SYBU: variants seen among roughly 807,000 people sequenced by gnomAD.
The protein encoded by SYBU is syntabulin, also known as GOLSYN A protein.
In SYBU, 21 loss-of-function variants were observed where a neutral mutation model predicts 35.9. That is an observed-to-expected ratio of 0.58 (90% CI 0.41 to 0.84). The LOEUF is 0.84. SYBU is among the 40% of genes least tolerant of loss of function. SYBU has a pLI of 0.00. For synonymous variants in SYBU, 319 were observed against 324.3 expected (o/e 0.98, Z 0.18); for missense variants, 768 against 848.2 (o/e 0.91, Z 1.17).
At chr8:109,633,187 TCATAAACACTC>T (rs1415918333) in intron 2 of SYBU, among the ~76,000 whole-genome samples, 1 of 152,196 alleles carries the variant, frequency 6.6e-6, no homozygotes, top group Non-Finnish European at 1.5e-5. Flanking sequence ...AATATAATCC[TCATAAACACTC>T]CAGAATCAAT....
intron 1 of SYBU, chr8:109,644,328 C>T: frequency 1.7e-6 from 1 of 584,510 alleles, no homozygotes; most frequent in Non-Finnish European, 3.2e-6. Context: ...GCATCAAATT[C>T]CTTTCATTCA....
rs1409130559 is a variant in SYBU, at chr8:109,586,048, G to C, written c.530+12C>G. The C allele has an allele frequency of 1.9e-6, 3 of 1,597,468 alleles. No individual in the cohort carries two copies. The highest frequency in any genetic ancestry group is 1.7e-6 in the Non-Finnish European group (2 of 1,170,106). On this transcript the variant is annotated intron_variant, in intron 4 of 6. Transcript: ENST00000276646. ...AAAGCGTCTTAATTACAGAGCAGGA[G>C]ATGGTGCCTACTTGCGTGAAGAAGA...
At chr8:109,683,809 T>G (rs1817458825), upstream of SYBU, among the ~76,000 whole-genome samples, 1 of 152,160 alleles carries the variant, frequency 6.6e-6, no homozygotes, top group South Asian at 2.1e-4. Flanking sequence ...ATGGGAGCAG[T>G]TACCTCCATA....
Position 109,574,593 on chromosome 8 carries a change from G to T in SYBU, c.*313C>A. ...ATAACATGCCAGCCTTAGAGAAGCT[G>T]TCTTGAAAGTGCAAACTGCGTTTTC... is the stretch of plus-strand genomic sequence containing the variant. On this transcript the variant is annotated 3_prime_UTR_variant, in exon 7 of 7. Coordinates refer to ENST00000276646, the MANE Select transcript of SYBU (RefSeq NM_001099754.2). The T allele has an allele frequency of 3.7e-6, 1 of 267,714 alleles. No individual in the cohort carries two copies. The highest frequency in any genetic ancestry group is 7.0e-6 in the Non-Finnish European group (1 of 142,724). The allele number at this position is 267,714 out of a possible 1,614,324, so 16.6% of individuals were successfully genotyped here.
chr8:109,578,906 G>A (rs573208097), intron 5 of SYBU, among the ~76,000 whole-genome samples: 4 of 152,308 alleles, frequency 2.6e-5, no homozygotes, highest in Admixed American at 6.5e-5. Context: ...TTCTTCTGAA[G>A]GGAAGAAGTT....
Position 109,583,092 on chromosome 8 carries a change from C to CCAG in SYBU, c.530+2965_530+2967dup, listed in dbSNP as rs1437369255. 5.9e-5 allele frequency among the ~76,000 whole-genome samples: 9 copies of CCAG among 152,118 alleles called. No individual in the cohort carries two copies. The South Asian group carries it at 8.3e-4, about 14-fold the overall frequency. On this transcript the variant is annotated intron_variant, in intron 4 of 6. Coordinates refer to ENST00000276646, the MANE Select transcript of SYBU (RefSeq NM_001099754.2). ...ACCATGATTACCATCATAACCACCA[C>CCAG]CAGCAGCAGCAGCAGCAACAGCAAC...
intron 2 of SYBU, among the ~76,000 whole-genome samples, chr8:109,620,207 G>T (rs2154656): frequency 0.049 from 7,402 of 152,124 alleles, 260 homozygotes; most frequent in African/African-American, 0.094. Flanking sequence ...ATCAGTTAGT[G>T]GTAAATTTAC....
chr8:109,616,724 C>T (rs1811838624), intron 3 of SYBU, among the ~76,000 whole-genome samples: 1 of 149,286 alleles, frequency 6.7e-6, no homozygotes, highest in African/African-American at 2.5e-5. Context: ...ATCTATGAAG[C>T]TGACATTCTT....
At chr8:109,614,592 A>G (rs1034497313) in intron 3 of SYBU, among the ~76,000 whole-genome samples, 1 of 152,262 alleles carries the variant, frequency 6.6e-6, no homozygotes. Flanking sequence ...CGCTCCTCCC[A>G]CACAAAACAT....
At chr8:109,585,668 G>T (rs1161915182) in intron 4 of SYBU, 4 of 165,964 alleles carry the variant, frequency 2.4e-5, no homozygotes, top group Non-Finnish European at 5.2e-5. Flanking sequence ...CCAGCTAGAA[G>T]AAAAAAAGGG....
Position 109,577,986 on chromosome 8 carries a change from T to A in SYBU, c.766A>T (p.Asn256Tyr). The A allele has an allele frequency of 6.2e-7, 1 of 1,613,668 alleles. No individual in the cohort carries two copies. Among genetic ancestry groups the A allele is most frequent in the Non-Finnish European group, 8.5e-7 (1 of 1,179,830 alleles). ...GGGTTTGGGGGTCTGACACCATGAT[T>A]TTCACCGCAAGACATGTACCTTCCA... ...RSGRYMSCGE[N>Y]HGVRPPNPEQ... Residue 256 changes from asparagine (N) to tyrosine (Y), a missense_variant, in exon 6 of 7, where the codon AAT becomes TAT. Asn to Tyr is a moderately radical substitution (Grantham distance 143). Transcript: ENST00000276646.
chr8:109,598,523 A>T (rs1825147465), intron 3 of SYBU, among the ~76,000 whole-genome samples: 1 of 152,180 alleles, frequency 6.6e-6, no homozygotes, highest in African/African-American at 2.4e-5. Context: ...ATCATATGGA[A>T]TTTTTGTGAG....
At chr8:109,656,124 A>T (rs1323837740) in intron 1 of SYBU, among the ~76,000 whole-genome samples, 2 of 152,348 alleles carry the variant, frequency 1.3e-5, no homozygotes, top group African/African-American at 4.8e-5. Flanking sequence ...TCAAAAAAAA[A>T]AAAAATTACA....
At position 109,575,585 on chromosome 8, in the gene SYBU, C is replaced by CTGT; in HGVS notation, c.1310_1312dup (p.Asn437dup). ...CACTATCTCATCGAACAAATCTGTG[C>CTGT]TGTTGGCTATGCTATCTCCTACCAG... On this transcript the variant is annotated inframe_insertion, in exon 7 of 7. Coordinates refer to ENST00000276646, the MANE Select transcript of SYBU (RefSeq NM_001099754.2). 2.5e-6 allele frequency: 4 copies of CTGT among 1,614,108 alleles called. No individual in the cohort carries two copies. The highest frequency in any genetic ancestry group is 3.4e-6 in the Non-Finnish European group (4 of 1,180,016).
In SYBU at chr8:109,577,890, A is replaced by T. The variant is rs1215370915; in HGVS notation, c.862T>A (p.Ser288Thr). 1 of 1,613,458 alleles carries T rather than the reference A, an allele frequency of 6.2e-7. No homozygotes were observed. Among genetic ancestry groups the T allele is most frequent in the East Asian group, 2.2e-5 (1 of 44,880 alleles). ...CACCTTTCATGGAGTCGGCGCTCAGATTCCTTCAGCTTGGTTTTGAGGTGT... is the reference window on the plus strand; with the variant it reads ...CACCTTTCATGGAGTCGGCGCTCAGTTTCCTTCAGCTTGGTTTTGAGGTGT... ...VRHLKTKLKE[S>T]ERRLHERESE... Residue 288 changes from serine (S) to threonine (T), a missense_variant, in exon 6 of 7, where the codon TCT becomes ACT. By Grantham distance (58) the Ser-to-Thr change is moderately conservative. Transcript: ENST00000276646.
At position 109,691,238 on chromosome 8, in the gene SYBU, C is replaced by G. The variant is rs1370371991; in HGVS notation, c.-58+95G>C. 1.5e-6 allele frequency: 1 copy of G among 684,382 alleles called. No individual in the cohort carries two copies. Among genetic ancestry groups the G allele is most frequent in the Non-Finnish European group, 2.7e-6 (1 of 376,384 alleles). The allele number at this position is 684,382 out of a possible 1,614,324, so 42.4% of individuals were successfully genotyped here. On this transcript the variant is annotated intron_variant, in intron 1 of 7. Coordinates refer to the SYBU transcript ENST00000422135. The surrounding 1 kb of genome is among the most constrained non-coding windows in gnomAD (Gnocchi z 4.7). ...AAGGGTGGTCCTGGGGTCCGGAGCG[C>G]CCCATCACTGCCCTCATTGTACCGA...
Position 109,605,639 on chromosome 8 carries a change from G to A in SYBU, c.427+13203C>T, listed in dbSNP as rs572350539. On this transcript the variant is annotated intron_variant, in intron 3 of 6. Transcript: ENST00000276646. ...TATAATCTGGGTCAACTCTTCATGCGTTTTAAAATAAGCACCAGCAGGCTC... is the reference window on the plus strand; with the variant it reads ...TATAATCTGGGTCAACTCTTCATGCATTTTAAAATAAGCACCAGCAGGCTC... 1.4e-4 allele frequency among the ~76,000 whole-genome samples: 22 copies of A among 152,274 alleles called. 1 individual carries two copies. In the East Asian group the frequency reaches 2.7e-3, roughly 19 times the overall value.
chr8:109,619,465 G>A (rs989874683), intron 2 of SYBU, among the ~76,000 whole-genome samples: 7 of 151,940 alleles, frequency 4.6e-5, no homozygotes, highest in African/African-American at 9.7e-5. Context: ...GGCCTCAAGC[G>A]ATCCATCTGC....
At chr8:109,594,413 C>T (rs957458690) in intron 3 of SYBU, among the ~76,000 whole-genome samples, 1 of 152,122 alleles carries the variant, frequency 6.6e-6, no homozygotes, top group Non-Finnish European at 1.5e-5. Context: ...CAATTCTAGA[C>T]CACAAATGGA....
Sources: gnomAD v4.1 joint callset for allele counts (sites outside exome capture counted in the v4.1 genomes callset) on GRCh38, gnomAD v4.1.1 for gene constraint, Gnocchi (gnomAD v3.1) non-coding constraint, MANE v1.5 for transcripts, NCBI Gene and HGNC (gene_info 2026-07-23, HGNC 2026-07-21) for gene names.